PHACTR1: variants seen among roughly 807,000 people sequenced by gnomAD.
PHACTR1 encodes the protein RPEL repeat containing 1.
Under a neutral mutation model 69.2 loss-of-function variants are expected in PHACTR1, and 16 were observed. The observed-to-expected ratio is 0.23, with a 90% CI of 0.16 to 0.35. The LOEUF is 0.35. Among genes scored for constraint, PHACTR1 ranks in the 10% least tolerant of loss-of-function variants. PHACTR1 has a pLI of 1.00. For synonymous variants in PHACTR1, 312 were observed against 284.5 expected, an observed-to-expected ratio of 1.10 and a Z score of -0.97; for missense variants, 510 against 734.7, an observed-to-expected ratio of 0.69 and a Z score of 3.54.
At chr6:12,853,646 T>G (rs1214475864) in intron 4 of PHACTR1, among the ~76,000 whole-genome samples, 1 of 152,328 alleles carries the variant, frequency 6.6e-6, no homozygotes, top group East Asian at 1.9e-4. Flanking sequence ...ACAATCATGG[T>G]GCAAGGCTCC....
In PHACTR1 at chr6:13,283,771, T is replaced by G; in HGVS notation, c.1650+209T>G. On this transcript the variant is annotated intron_variant, in intron 13 of 14. Coordinates refer to ENST00000332995, the MANE Select transcript of PHACTR1 (RefSeq NM_030948.6). The surrounding 1 kb of genome is among the most constrained non-coding windows in gnomAD (Gnocchi z 4.7). ...ATCGGAGAAAACACAAGGCACATAA[T>G]ACTGTGCCCATTTTACAGGAGGAGG... 1.5e-6 allele frequency: 1 copy of G among 654,296 alleles called. No homozygotes were observed. The allele number at this position is 654,296 out of a possible 1,614,324, so 40.5% of individuals were successfully genotyped here. A position where few individuals can be genotyped will look rare whatever the true frequency, so the allele number is the denominator to read the frequency against.
intron 4 of PHACTR1, among the ~76,000 whole-genome samples, chr6:13,001,449 G>A (rs761265016): frequency 2.6e-5 from 4 of 152,150 alleles, no homozygotes; most frequent in Non-Finnish European, 5.9e-5. Flanking sequence ...TTTCACACGA[G>A]GACAGTGCAA....
chr6:12,949,582 A>T (rs557106463), intron 4 of PHACTR1, among the ~76,000 whole-genome samples: 11 of 152,238 alleles, frequency 7.2e-5, no homozygotes, highest in Non-Finnish European at 1.6e-4. Flanking sequence ...TGGGAGTTGG[A>T]GAGGATATTC....
chr6:13,180,598 C>T (rs958554943), intron 6 of PHACTR1, among the ~76,000 whole-genome samples: 1 of 152,230 alleles, frequency 6.6e-6, no homozygotes, highest in Non-Finnish European at 1.5e-5. Flanking sequence ...CCTGAGACCT[C>T]CGTCCCCTCT....
In PHACTR1 at chr6:12,878,678, C is replaced by T. The variant is rs141653504; in HGVS notation, c.250+128888C>T. Among the ~76,000 whole-genome samples, 404 of 152,292 alleles carry T rather than the reference C, an allele frequency of 2.7e-3. 2 individuals are homozygous for T. Among genetic ancestry groups the T allele is most frequent in the African/African-American group, 8.1e-3 (337 of 41,554 alleles). ...GCTCAGGCTGGTAATATAGTGGTTG[C>T]TCTGGGGATTTTTTAGTGGGCTTCT... is the stretch of plus-strand genomic sequence containing the variant. On this transcript the variant is annotated intron_variant, in intron 4 of 14. Coordinates refer to ENST00000332995, the MANE Select transcript of PHACTR1 (RefSeq NM_030948.6).
intron 4 of PHACTR1, among the ~76,000 whole-genome samples, chr6:12,754,749 A>G (rs1310503433): frequency 6.6e-6 from 1 of 152,228 alleles, no homozygotes; most frequent in East Asian, 1.9e-4. Flanking sequence ...ATTTTTAAAA[A>G]ATGAATGGCT....
rs147732283 is a variant in PHACTR1 at position 13,000,660 on chromosome 6, GGGAAGGAA to G, written c.251-52681_251-52674del. ...AGGAAGGGGGGAGGGAGGGAGGAAG[GGGAAGGAA>G]GGAAGGAAGGAAGGAAGGAAGGAGA... On this transcript the variant is annotated intron_variant, in intron 4 of 14. Coordinates refer to ENST00000332995, the MANE Select transcript of PHACTR1 (RefSeq NM_030948.6). Among the ~76,000 whole-genome samples the G allele has an allele frequency of 7.6e-3, 976 of 128,370 alleles. 13 individuals carry two copies. The highest frequency in any genetic ancestry group is 0.024 in the African/African-American group (785 of 32,046). 84.2% of individuals were successfully genotyped at this position (128,370 alleles called of 152,430 possible).
intron 8 of PHACTR1, among the ~76,000 whole-genome samples, chr6:13,212,581 C>T (rs900623182): frequency 1.6e-4 from 24 of 152,080 alleles, no homozygotes; most frequent in Admixed American, 1.5e-3. Flanking sequence ...ATGGTTTGAG[C>T]GTCTCTTCTC....
chr6:13,064,580 A>C (rs1240137054), intron 5 of PHACTR1, among the ~76,000 whole-genome samples: 4 of 8,986 alleles, frequency 4.5e-4, no homozygotes, highest in South Asian at 4.1e-3. Context: ...ATATATATAT[A>C]TATATATATA....
At chr6:12,894,191 C>T (rs1784426895) in intron 4 of PHACTR1, among the ~76,000 whole-genome samples, 2 of 152,194 alleles carry the variant, frequency 1.3e-5, no homozygotes, top group African/African-American at 4.8e-5. Context: ...AGTACTTACA[C>T]AGAAAAGCAA....
chr6:13,134,419 A>G (rs998034007), intron 5 of PHACTR1, among the ~76,000 whole-genome samples: 2 of 152,182 alleles, frequency 1.3e-5, no homozygotes, highest in African/African-American at 2.4e-5. Flanking sequence ...AGAAGTAGAC[A>G]TGGGAGACTC....
rs1469220231 is a variant in PHACTR1, at chr6:13,267,779, T to C, written c.1392-5081T>C. On this transcript the variant is annotated intron_variant, in intron 10 of 14. Transcript: ENST00000332995. ...AGGAAAACAAAAATTGGAATTCTTA[T>C]CATTTGATCTCAGCCAGCGTCTCAA... 6 of 140,500 alleles carry C rather than the reference T, an allele frequency of 4.3e-5. No homozygotes were observed. The Admixed American group carries it at 4.6e-4, about 11-fold the overall frequency. 8.7% of individuals were successfully genotyped at this position (140,500 alleles called of 1,614,324 possible).
intron 5 of PHACTR1, among the ~76,000 whole-genome samples, chr6:13,059,348 A>C (rs866812795): frequency 6.6e-6 from 1 of 152,176 alleles, no homozygotes; most frequent in Non-Finnish European, 1.5e-5. Flanking sequence ...TCAGTTATGC[A>C]AGATGAATAA....
At chr6:12,775,502 C>T (rs1769951354) in intron 4 of PHACTR1, among the ~76,000 whole-genome samples, 1 of 152,106 alleles carries the variant, frequency 6.6e-6, no homozygotes, top group South Asian at 2.1e-4. Context: ...AAATTTGTAC[C>T]ATGGTGGCAA....
intron 4 of PHACTR1, among the ~76,000 whole-genome samples, chr6:12,907,873 G>GT (rs1218931104): frequency 1.3e-5 from 2 of 152,180 alleles, no homozygotes; most frequent in Non-Finnish European, 2.9e-5. Flanking sequence ...GTTCTACCTT[G>GT]TTAGAGGCTC....
rs193205749 is a variant in PHACTR1 at position 13,088,775 on chromosome 6, G to A, written c.415+35246G>A. ...TAGTCACCTTGAAGAGCCCTTCTAA[G>A]GTCAGCTTTGACATTTAAATGACCC... is the stretch of plus-strand genomic sequence containing the variant. On this transcript the variant is annotated intron_variant, in intron 5 of 14. Transcript: ENST00000332995. Among the ~76,000 whole-genome samples the A allele has an allele frequency of 1.6e-4, 24 of 152,186 alleles. No individual in the cohort carries two copies. The East Asian group carries it at 2.1e-3, about 13-fold the overall frequency.
At chr6:12,829,450 T>C (rs954014304) in intron 4 of PHACTR1, among the ~76,000 whole-genome samples, 1 of 152,122 alleles carries the variant, frequency 6.6e-6, no homozygotes, top group Non-Finnish European at 1.5e-5. Context: ...TAGGAGGTGA[T>C]GAAAACTCGT....
At position 12,805,554 on chromosome 6, in the gene PHACTR1, A is replaced by G. The variant is rs1310813532; in HGVS notation, c.250+55764A>G. 2.0e-5 allele frequency among the ~76,000 whole-genome samples: 3 copies of G among 151,662 alleles called. No homozygotes were observed. In the East Asian group the frequency reaches 5.8e-4, roughly 29 times the overall value. ...GATATGGATGACCTACTAATTGTCA[A>G]CTTGAATGGCTTCTTTCTTTCTTTC... On this transcript the variant is annotated intron_variant, in intron 4 of 14. Coordinates refer to ENST00000332995, the MANE Select transcript of PHACTR1 (RefSeq NM_030948.6).
chr6:12,733,823 A>C (rs2127575558), intron 3 of PHACTR1, among the ~76,000 whole-genome samples: 2 of 152,358 alleles, frequency 1.3e-5, no homozygotes, highest in South Asian at 4.1e-4. Context: ...AGATGCCATT[A>C]ATTACAGCAA....
Sources: allele counts gnomAD v4.1 joint callset (sites outside exome capture counted in the v4.1 genomes callset), GRCh38; gene constraint gnomAD v4.1.1; non-coding constraint Gnocchi (gnomAD v3.1); transcripts MANE v1.5; gene names NCBI Gene and HGNC (gene_info 2026-07-23, HGNC 2026-07-21).